The following TRAM1 variants were observed in gnomAD, a reference collection of about 807,000 sequenced individuals.
The protein encoded by TRAM1 is translocation associated membrane protein 1.
Under a neutral mutation model 48.7 loss-of-function variants are expected in TRAM1, and 17 were observed. The observed-to-expected ratio is 0.35, with a 90% CI of 0.24 to 0.52. The LOEUF (loss-of-function observed/expected upper bound fraction) is 0.52. Ranked by LOEUF, TRAM1 falls within the 20% of genes least tolerant of loss-of-function variation. The pLI is 0.94. For synonymous variants in TRAM1, 182 were observed against 154.0 expected (o/e 1.18, Z -1.34); for missense variants, 351 against 441.5 (o/e 0.79, Z 1.84).
In TRAM1 at chr8:70,586,980, C is replaced by T. The variant is rs201085336; in HGVS notation, c.661G>A (p.Val221Ile). 2 of 1,613,624 alleles carry T rather than the reference C, an allele frequency of 1.2e-6. No individual in the cohort carries two copies. The highest frequency in any genetic ancestry group is 1.6e-4 in the Middle Eastern group (1 of 6,078). Residue 221 changes from valine (V) to isoleucine (I), a missense_variant, in exon 8 of 11, where the codon GTT becomes ATT. Transcript: ENST00000262213. ...ACAAAATAATGTAGCACCAGAAGAA[C>T]AAGTCCTAGATGATTCAAGCTGTTA... ...YLLNLNHLGL[V>I]LLVLHYFVEF...
chr8:70,582,271 A>C (rs538152501), intron 10 of TRAM1, among the ~76,000 whole-genome samples: 1 of 152,076 alleles, frequency 6.6e-6, no homozygotes, highest in East Asian at 1.9e-4. Flanking sequence ...CTTTTGTGGA[A>C]ATTGACCAGG....
At chr8:70,605,770 G>T (rs1817706574) in intron 1 of TRAM1, among the ~76,000 whole-genome samples, 1 of 152,094 alleles carries the variant, frequency 6.6e-6, no homozygotes, top group South Asian at 2.1e-4. Flanking sequence ...ACTCACTTTT[G>T]AATTGACTTA....
intron 6 of TRAM1, among the ~76,000 whole-genome samples, chr8:70,588,075 G>A (rs972103761): frequency 8.6e-5 from 13 of 152,024 alleles, no homozygotes; most frequent in African/African-American, 2.9e-4. Flanking sequence ...TTAGCTAGGC[G>A]TGGTGGTATG....
intron 10 of TRAM1, among the ~76,000 whole-genome samples, chr8:70,581,635 CAT>C (rs1390896879): frequency 5.9e-5 from 9 of 152,172 alleles, no homozygotes; most frequent in African/African-American, 2.2e-4. Flanking sequence ...AATGAAAACA[CAT>C]GTTTGAACAA....
intron 10 of TRAM1, among the ~76,000 whole-genome samples, chr8:70,577,695 AC>A (rs1816987682): frequency 6.6e-6 from 1 of 152,200 alleles, no homozygotes; most frequent in African/African-American, 2.4e-5. Flanking sequence ...CCCTCTGCTC[AC>A]CACGTTGTGG....
chr8:70,590,814 C>T (rs780603551), intron 6 of TRAM1, among the ~76,000 whole-genome samples: 8 of 152,210 alleles, frequency 5.3e-5, no homozygotes, highest in Non-Finnish European at 8.8e-5. Context: ...AAACCTTTTT[C>T]TAAGTAATGG....
At chr8:70,607,951 G>C (rs1343331050) in intron 1 of TRAM1, 126 bp downstream of exon 1, 1 of 1,224,232 alleles carries the variant, frequency 8.2e-7, no homozygotes, top group Non-Finnish European at 1.1e-6. Flanking sequence ...TCAGGGACTG[G>C]GGGTCTGCAC....
chr8:70,575,072 TAA>T, intron 10 of TRAM1, 67 bp from the exon 11 acceptor site: 1 of 1,129,050 alleles, frequency 8.9e-7, no homozygotes, highest in Non-Finnish European at 1.3e-6. Flanking sequence ...TCTTTATATG[TAA>T]AGATACCTTC....
At chr8:70,604,449 C>T (rs1817677284) in intron 1 of TRAM1, among the ~76,000 whole-genome samples, 1 of 152,054 alleles carries the variant, frequency 6.6e-6, no homozygotes, top group Admixed American at 6.5e-5. Context: ...ACTCAGGTGG[C>T]GAGAGGGGAG....
In TRAM1 at chr8:70,604,235, A is replaced by C. The variant is rs554180482; in HGVS notation, c.123+3842T>G. Among the ~76,000 whole-genome samples, 7 of 22,918 alleles carry C rather than the reference A, an allele frequency of 3.1e-4. No individual in the cohort carries two copies. In the South Asian group the frequency reaches 5.9e-3, roughly 19 times the overall value. 15.0% of individuals were successfully genotyped at this position (22,918 alleles called of 152,430 possible). On this transcript the variant is annotated intron_variant, in intron 1 of 10. Coordinates refer to ENST00000262213, the MANE Select transcript of TRAM1 (RefSeq NM_014294.6). Reference sequence around the variant, plus strand: ...ATTCTATGCTGTATGCAATGTCATAAATACAACATTTCTTTAATTAAATGT... The same window carrying C: ...ATTCTATGCTGTATGCAATGTCATACATACAACATTTCTTTAATTAAATGT...
intron 4 of TRAM1, among the ~76,000 whole-genome samples, chr8:70,597,668 C>CAAAAA (rs35449323): frequency 2.6e-3 from 92 of 35,300 alleles, no homozygotes; most frequent in Admixed American, 3.7e-3. Context: ...GACTCTGTCT[C>CAAAAA]AAAAAAAAAA....
chr8:70,608,371 G>GC lies in TRAM1; in HGVS notation c.-173_-172insG, dbSNP rs1465294611. 6.9e-6 allele frequency: 4 copies of GC among 581,174 alleles called. No homozygotes were observed. In the Admixed American group the frequency reaches 2.0e-4, roughly 28 times the overall value. 36.0% of individuals were successfully genotyped at this position (581,174 alleles called of 1,614,324 possible). ...AGTACGCAGCCGCCGGGCCGCCCGG[G>GC]GGAAAAAAAAAAACACAACAGCTAG... On this transcript the variant is annotated 5_prime_UTR_variant, in exon 1 of 11. Transcript: ENST00000262213.
chr8:70,587,283 A>C, intron 6 of TRAM1, 107 bp from the exon 7 acceptor site: 1 of 1,028,642 alleles, frequency 9.7e-7, no homozygotes, highest in Non-Finnish European at 1.4e-6. Context: ...AAAACCTTGG[A>C]CTCAAGAGAA....
intron 6 of TRAM1, among the ~76,000 whole-genome samples, chr8:70,594,305 G>GTTTTTT: frequency 7.9e-6 from 1 of 126,082 alleles, no homozygotes; most frequent in Non-Finnish European, 1.6e-5. Flanking sequence ...CTGACTGAAG[G>GTTTTTT]TTTTTTTTTT....
chr8:70,599,081 G>A (rs139367728), intron 2 of TRAM1, among the ~76,000 whole-genome samples: 1 of 152,190 alleles, frequency 6.6e-6, no homozygotes, highest in East Asian at 1.9e-4. Flanking sequence ...AGTATAGTGA[G>A]ACTCCATCTC....
chr8:70,603,716 CAA>C (rs1345962978), intron 1 of TRAM1, among the ~76,000 whole-genome samples: 1 of 152,094 alleles, frequency 6.6e-6, no homozygotes, highest in Non-Finnish European at 1.5e-5. Flanking sequence ...GGCTCCATCT[CAA>C]AAAGAGTCCT....
chr8:70,587,823 C>T (rs887087411), intron 6 of TRAM1: 1 of 152,082 alleles, frequency 6.6e-6, no homozygotes, highest in African/African-American at 2.4e-5. Flanking sequence ...CTTTGCAAGC[C>T]CAAGTACCTA....
In TRAM1 at chr8:70,594,390, T is replaced by A. The variant is rs553194881; in HGVS notation, c.570+116A>T. On this transcript the variant is annotated intron_variant, in intron 6 of 10. Coordinates refer to ENST00000262213, the MANE Select transcript of TRAM1 (RefSeq NM_014294.6). Reference sequence around the variant, plus strand: ...TGGTGGGAGAATGATGGGGTAAGAGTTGAGGTAAGAAGAATGGAGGAAGGG... The same window carrying A: ...TGGTGGGAGAATGATGGGGTAAGAGATGAGGTAAGAAGAATGGAGGAAGGG... 8.8e-6 allele frequency: 5 copies of A among 568,362 alleles called. No homozygotes were observed. The Admixed American group carries it at 1.2e-4, about 13-fold the overall frequency. 35.2% of individuals were successfully genotyped at this position (568,362 alleles called of 1,614,324 possible).
In TRAM1 at chr8:70,576,717, G is replaced by A. The variant is rs772918630; in HGVS notation, c.1052-1712C>T. On this transcript the variant is annotated intron_variant, in intron 10 of 10. Coordinates refer to ENST00000262213, the MANE Select transcript of TRAM1 (RefSeq NM_014294.6). ...GGCTACTGCCATGACATTGGCTGTA[G>A]TGTGAGAGGTGCATCCAGGGCTGTG... Among the ~76,000 whole-genome samples, 30 of 152,322 alleles carry A rather than the reference G, an allele frequency of 2.0e-4. 1 individual carries two copies. The highest frequency in any genetic ancestry group is 3.2e-4 in the Non-Finnish European group (22 of 68,032).
Sources: allele counts gnomAD v4.1 joint callset (sites outside exome capture counted in the v4.1 genomes callset), GRCh38; gene constraint gnomAD v4.1.1; transcripts MANE v1.5; gene names NCBI Gene and HGNC (gene_info 2026-07-23, HGNC 2026-07-21).